Variants in KLF12 observed in about 807,000 individuals in gnomAD.
KLF12 encodes the protein KLF transcription factor 12.
In KLF12, 9 loss-of-function variants were observed where a neutral mutation model predicts 37.8. That is an observed-to-expected ratio of 0.24 (90% CI 0.14 to 0.42). The LOEUF is 0.42. Ranked by LOEUF, KLF12 falls within the 10% of genes least tolerant of loss-of-function variation. The pLI is 1.00. For missense variants in KLF12, 411 were observed against 516.0 expected (o/e 0.80, Z 1.97); for synonymous variants, 208 against 202.1 (o/e 1.03, Z -0.25).
the KLF12 span, among the ~76,000 whole-genome samples, chr13:74,296,262 C>T: frequency 4.3e-3 from 648 of 152,014 alleles, 7 homozygotes; most frequent in South Asian, 0.035. Context: ...CAGAAACTGA[C>T]ATTCAGAAAA....
chr13:73,834,111 T>A (rs1884306183), intron 4 of KLF12, among the ~76,000 whole-genome samples: 3 of 152,304 alleles, frequency 2.0e-5, no homozygotes, highest in Admixed American at 2.0e-4. Context: ...GAGCTTAAAT[T>A]GTAGTGTAGA....
rs113837009 is a variant in KLF12, at chr13:73,695,481, T to C, written c.*9A>G. 35 of 1,612,996 alleles carry C rather than the reference T, an allele frequency of 2.2e-5. No homozygotes were observed. Among genetic ancestry groups the C allele is most frequent in the Middle Eastern group, 1.8e-4 (1 of 5,606 alleles). On this transcript the variant is annotated 3_prime_UTR_variant, in exon 8 of 8. Transcript: ENST00000377669. ...CAGCTCTTACGCTCAGCTGGACAGG[T>C]AGCATTCCTCACACCAACATATGCC...
At chr13:73,827,800 T>C (rs2138555964) in intron 4 of KLF12, among the ~76,000 whole-genome samples, 1 of 152,298 alleles carries the variant, frequency 6.6e-6, no homozygotes, top group African/African-American at 2.4e-5. Flanking sequence ...TGACCTAAAG[T>C]GATCCGCCTG....
chr13:74,085,762 C>G (rs951754848), intron 1 of KLF12, among the ~76,000 whole-genome samples: 2 of 152,136 alleles, frequency 1.3e-5, no homozygotes, highest in South Asian at 2.1e-4. Flanking sequence ...ATTTAGCCAT[C>G]TGGGGTTAAG....
At chr13:74,248,637 A>G in the KLF12 span, among the ~76,000 whole-genome samples, 2 of 152,218 alleles carry the variant, frequency 1.3e-5, no homozygotes, top group Admixed American at 1.3e-4. Context: ...ATGTGGTACA[A>G]CAATCATAAA....
chr13:74,101,288 CTTCT>C (rs970641091), intron 1 of KLF12, among the ~76,000 whole-genome samples: 2 of 152,172 alleles, frequency 1.3e-5, no homozygotes, highest in African/African-American at 4.8e-5. Flanking sequence ...TATTCAAGCA[CTTCT>C]TTGAGTTTCC....
At chr13:74,095,256 T>A (rs564206192) in intron 1 of KLF12, among the ~76,000 whole-genome samples, 6 of 152,210 alleles carry the variant, frequency 3.9e-5, no homozygotes, top group Admixed American at 6.5e-5. Flanking sequence ...ATTTTGGATA[T>A]AAAATTTCAA....
intron 3 of KLF12, among the ~76,000 whole-genome samples, chr13:73,914,788 T>A (rs1243969647): frequency 6.6e-6 from 1 of 152,188 alleles, no homozygotes; most frequent in Non-Finnish European, 1.5e-5. Flanking sequence ...AGGGGAACTA[T>A]GTGTTTTCCA....
intron 2 of KLF12, chr13:73,960,298 G>A (rs1237436619): frequency 3.9e-6 from 1 of 255,452 alleles, no homozygotes; most frequent in Non-Finnish European, 8.6e-6. Flanking sequence ...ATGCATATGA[G>A]ACAGAAAAAG....
intron 5 of KLF12, among the ~76,000 whole-genome samples, chr13:73,777,885 A>G (rs932903633): frequency 1.6e-4 from 25 of 151,914 alleles, no homozygotes; most frequent in Non-Finnish European, 3.1e-4. Flanking sequence ...TAATCCCAGC[A>G]CCTTGGGAGG....
the KLF12 span, among the ~76,000 whole-genome samples, chr13:74,233,625 C>T: frequency 2.6e-5 from 4 of 151,860 alleles, no homozygotes; most frequent in African/African-American, 4.8e-5. Flanking sequence ...TAGAAATCCC[C>T]GAGATGACTA....
intron 1 of KLF12, among the ~76,000 whole-genome samples, chr13:74,104,155 G>A (rs1206011119): frequency 6.6e-6 from 1 of 152,200 alleles, no homozygotes; most frequent in Non-Finnish European, 1.5e-5. Flanking sequence ...GGGGACTTGT[G>A]AGTCATCACA....
chr13:73,762,350 T>C (rs879423546), intron 6 of KLF12, among the ~76,000 whole-genome samples: 10 of 152,158 alleles, frequency 6.6e-5, no homozygotes, highest in Admixed American at 3.9e-4. Flanking sequence ...CGTAACAATA[T>C]CATGCAAAGA....
At chr13:73,986,487 T>C (rs36107165) in intron 2 of KLF12, among the ~76,000 whole-genome samples, 2,362 of 152,322 alleles carry the variant, frequency 0.016, 28 homozygotes, top group Middle Eastern at 0.037. Flanking sequence ...AACATGTACC[T>C]GCAATCACAG....
intron 3 of KLF12, among the ~76,000 whole-genome samples, chr13:73,868,554 C>G (rs946913026): frequency 7.9e-5 from 12 of 151,858 alleles, no homozygotes; most frequent in Non-Finnish European, 1.5e-4. Context: ...ACATGCCCAG[C>G]TAATTTTTGT....
intron 3 of KLF12, among the ~76,000 whole-genome samples, chr13:73,914,651 G>GA (rs1171310387): frequency 2.0e-5 from 3 of 152,074 alleles, no homozygotes; most frequent in Non-Finnish European, 2.9e-5. Context: ...TCTTCAACAG[G>GA]AAAAAATGCA....
intron 3 of KLF12, among the ~76,000 whole-genome samples, chr13:73,926,031 G>A (rs1233542473): frequency 6.6e-6 from 1 of 152,160 alleles, no homozygotes; most frequent in Non-Finnish European, 1.5e-5. Flanking sequence ...TCTACTCCAG[G>A]TAAAGATGCT....
chr13:74,055,424 G>A (rs1410660898), intron 1 of KLF12, among the ~76,000 whole-genome samples: 4 of 152,206 alleles, frequency 2.6e-5, no homozygotes, highest in African/African-American at 9.7e-5. Flanking sequence ...ATCTGAGGAT[G>A]TCTGGAAACT....
chr13:74,270,264 A>C, the KLF12 span, among the ~76,000 whole-genome samples: 1 of 152,058 alleles, frequency 6.6e-6, no homozygotes, highest in African/African-American at 2.4e-5. Context: ...GATTGAGATG[A>C]CTCAGGATTG....
Sources: gnomAD v4.1 joint callset for allele counts (sites outside exome capture counted in the v4.1 genomes callset) on GRCh38, gnomAD v4.1.1 for gene constraint, MANE v1.5 for transcripts, NCBI Gene and HGNC (gene_info 2026-07-23, HGNC 2026-07-21) for gene names.